The following MID1 variants were observed in gnomAD, a reference collection of about 807,000 sequenced individuals.
The protein encoded by MID1 is E3 ubiquitin-protein ligase Midline-1.
Under a neutral mutation model 40.4 loss-of-function variants are expected in MID1, and 7 were observed. The observed-to-expected ratio is 0.17, with a 90% CI of 0.10 to 0.33. The LOEUF is 0.33. MID1 is among the 10% of genes least tolerant of loss of function. The pLI is 1.00. For synonymous variants in MID1, 229 were observed against 221.2 expected (o/e 1.04, Z -0.31); for missense variants, 367 against 558.5 (o/e 0.66, Z 3.46).
At chrX:10,683,425 G>A (rs921955577) in intron 1 of MID1, among the ~76,000 whole-genome samples, 1 of 110,942 alleles carries the variant, frequency 9.0e-6, no homozygotes, top group Non-Finnish European at 1.9e-5. Flanking sequence ...ATCTGTAGTT[G>A]CAGCTACTCG....
At chrX:10,558,681 G>C (rs770189166) in intron 2 of MID1, among the ~76,000 whole-genome samples, 1 of 112,978 alleles carries the variant, frequency 8.9e-6, no homozygotes, top group Admixed American at 9.3e-5. Flanking sequence ...GACATGTGTT[G>C]CAGGCTTTCT....
intron 1 of MID1, among the ~76,000 whole-genome samples, chrX:10,725,788 G>A (rs1193785404): frequency 2.7e-5 from 3 of 112,308 alleles, no homozygotes; most frequent in African/African-American, 9.7e-5. Flanking sequence ...GAATCCGGGA[G>A]GCAGAGGTTG....
intron 7 of MID1, among the ~76,000 whole-genome samples, chrX:10,465,254 C>CATAT (rs1556005796): frequency 1.0e-5 from 1 of 96,825 alleles, no homozygotes; most frequent in Admixed American, 1.1e-4. Flanking sequence ...CACACACACA[C>CATAT]ACACACATAC....
Position 10,594,734 on chromosome X carries a change from G to A in MID1, c.-57+25556C>T, listed in dbSNP as rs1602451915. On this transcript the variant is annotated intron_variant, in intron 1 of 9. Coordinates refer to ENST00000317552, the MANE Select transcript of MID1 (RefSeq NM_000381.4). Reference sequence around the variant, plus strand: ...ATTTTCCTTAGAAAAGGGCAAAAAGGTCTCATGATACATTACTTAGGTAAC... The same window carrying A: ...ATTTTCCTTAGAAAAGGGCAAAAAGATCTCATGATACATTACTTAGGTAAC... 3.6e-5 allele frequency among the ~76,000 whole-genome samples: 4 copies of A among 111,946 alleles called. No homozygotes were observed. In the Admixed American group the frequency reaches 3.8e-4, roughly 11 times the overall value.
rs761725957 is a variant in MID1, at chrX:10,740,651, C to T, written c.-187+92903G>A. Among the ~76,000 whole-genome samples, 13 of 111,264 alleles carry T rather than the reference C, an allele frequency of 1.2e-4. No individual in the cohort carries two copies. The East Asian group carries it at 1.7e-3, about 14-fold the overall frequency. On this transcript the variant is annotated intron_variant, in intron 1 of 10. Coordinates refer to the MID1 transcript ENST00000380785. ...GCCTTAGTTTTTTTGAACTGTAAAA[C>T]GGGTTTAATAATAATATTTTCTTCA...
chrX:10,505,418 G>A (rs1931781020), intron 3 of MID1: 1 of 749,955 alleles, frequency 1.3e-6, no homozygotes, highest in Non-Finnish European at 1.6e-6. Context: ...ATAATTCATT[G>A]AAAAACAATA....
intron 1 of MID1, among the ~76,000 whole-genome samples, chrX:10,664,959 T>G (rs919795466): frequency 8.9e-6 from 1 of 111,963 alleles, no homozygotes; most frequent in African/African-American, 3.3e-5. Flanking sequence ...GTGAGGAAAT[T>G]TAAAACTTTA....
intron 1 of MID1, among the ~76,000 whole-genome samples, chrX:10,704,969 G>A (rs372236519): frequency 9.1e-6 from 1 of 109,742 alleles, no homozygotes; most frequent in African/African-American, 3.3e-5. Flanking sequence ...TCACCATATT[G>A]GCCAGGCTGG....
intron 2 of MID1, among the ~76,000 whole-genome samples, chrX:10,533,220 A>G (rs1933048418): frequency 9.1e-6 from 1 of 109,392 alleles, no homozygotes; most frequent in African/African-American, 3.3e-5. Flanking sequence ...GAGGACTTGT[A>G]CCTACAAAGA....
At chrX:10,558,982 G>C (rs1221644416) in intron 2 of MID1, among the ~76,000 whole-genome samples, 1 of 111,904 alleles carries the variant, frequency 8.9e-6, no homozygotes, top group Non-Finnish European at 1.9e-5. Flanking sequence ...GTTGAGAGAG[G>C]ACTCATCCAG....
intron 1 of MID1, among the ~76,000 whole-genome samples, chrX:10,680,664 G>C (rs1323624048): frequency 9.0e-6 from 1 of 111,192 alleles, no homozygotes; most frequent in Admixed American, 9.6e-5. Flanking sequence ...AAATTGAACT[G>C]CCAAAAGCTC....
intron 1 of MID1, among the ~76,000 whole-genome samples, chrX:10,804,650 C>A (rs2044031078): frequency 9.0e-6 from 1 of 111,283 alleles, no homozygotes; most frequent in African/African-American, 3.3e-5. Flanking sequence ...GGAGGGGAAG[C>A]ATTCTATAAT....
intron 1 of MID1, among the ~76,000 whole-genome samples, chrX:10,772,803 T>G (rs1260215145): frequency 9.1e-6 from 1 of 110,227 alleles, no homozygotes; most frequent in Non-Finnish European, 1.9e-5. Flanking sequence ...TGTACATATA[T>G]GTATAAATAA....
intron 1 of MID1, among the ~76,000 whole-genome samples, chrX:10,764,017 GT>G (rs1191431953): frequency 8.9e-6 from 1 of 111,736 alleles, no homozygotes; most frequent in African/African-American, 3.3e-5. Context: ...GGGGTTGTTT[GT>G]TTTTTTCTTG....
At chrX:10,636,789 T>G (rs1413402830) in intron 1 of MID1, among the ~76,000 whole-genome samples, 7 of 47,108 alleles carry the variant, frequency 1.5e-4, no homozygotes, top group Admixed American at 6.6e-4. Flanking sequence ...AATGGGGATA[T>G]ATATATATAT....
intron 7 of MID1, among the ~76,000 whole-genome samples, chrX:10,464,557 A>G (rs909515691): frequency 1.8e-5 from 2 of 111,844 alleles, no homozygotes; most frequent in Admixed American, 1.9e-4. Flanking sequence ...TGTGACACAG[A>G]CAGGGGCTTA....
chrX:10,642,993 C>T (rs758454974), intron 1 of MID1, among the ~76,000 whole-genome samples: 1 of 111,759 alleles, frequency 8.9e-6, no homozygotes, highest in Admixed American at 9.5e-5. Flanking sequence ...ACCTTCCTTA[C>T]ATCTTATACA....
Position 10,449,645 on chromosome X carries a change from G to C in MID1, c.1727C>G (p.Ala576Gly). The C allele has an allele frequency of 5.0e-6, 6 of 1,211,408 alleles. No individual in the cohort carries two copies. The highest frequency in any genetic ancestry group is 6.7e-6 in the Non-Finnish European group (6 of 895,322). Residue 576 changes from alanine (A) to glycine (G), a missense_variant, in exon 10 of 10, where the codon GCG becomes GGG. This residue lies in a region of MID1 where 275 missense variants were observed against 383.1 expected (regional missense o/e 0.72). Transcript: ENST00000317552. ...EWIGKNSASW[A>G]LCRCNNNWVV... Reference sequence around the variant, plus strand: ...CCAGTTATTGTTGCAGCGGCAGAGCGCCCAGGAAGCAGAGTTCTTCCCAAT... The same window carrying C: ...CCAGTTATTGTTGCAGCGGCAGAGCCCCCAGGAAGCAGAGTTCTTCCCAAT...
chrX:10,749,303 G>C (rs750209029), intron 1 of MID1, among the ~76,000 whole-genome samples: 18 of 111,168 alleles, frequency 1.6e-4, no homozygotes, highest in Non-Finnish European at 2.6e-4. Flanking sequence ...GCACGTTGCT[G>C]CTCAAAATAT....
Sources: allele counts gnomAD v4.1 joint callset (sites outside exome capture counted in the v4.1 genomes callset), GRCh38; gene constraint gnomAD v4.1.1; regional missense constraint gnomAD v4.1.1; transcripts MANE v1.5; gene names NCBI Gene and HGNC (gene_info 2026-07-23, HGNC 2026-07-21).